The following ESRRB variants were observed in gnomAD, a reference collection of about 807,000 sequenced individuals.
ESRRB encodes steroid hormone receptor ERR2.
A neutral mutation model predicts 46.0 loss-of-function variants in ESRRB; 16 were observed. The ratio of observed to expected loss-of-function variants is 0.35; its 90% CI spans 0.24 to 0.53. The LOEUF is 0.53. Among genes scored for constraint, ESRRB ranks in the 20% least tolerant of loss-of-function variants. ESRRB has a pLI of 0.93. For synonymous variants in ESRRB, 246 were observed against 259.6 expected, an observed-to-expected ratio of 0.95 and a Z score of 0.50; for missense variants, 488 against 607.4, an observed-to-expected ratio of 0.80 and a Z score of 2.07.
intron 1 of ESRRB, among the ~76,000 whole-genome samples, chr14:76,435,628 G>A (rs535921972): frequency 1.3e-5 from 2 of 152,310 alleles, no homozygotes; most frequent in South Asian, 2.1e-4. Context: ...TCAGGAGTTC[G>A]AGACCAGCCT....
At position 76,376,873 on chromosome 14, in the gene ESRRB, T is replaced by A. The variant is rs1248985143; in HGVS notation, c.50+422T>A. The stretch of plus-strand genomic sequence containing the variant: ...AGCCTTTCCCGCGGGCGCTTTGTTT[T>A]ATTATTTCCATCCTGGGGACCAAAA... On this transcript the variant is annotated intron_variant, in intron 1 of 6. Coordinates refer to ENST00000644823, the MANE Select transcript of ESRRB (RefSeq NM_001379180.1). The surrounding 1 kb of genome is among the most constrained non-coding windows in gnomAD (Gnocchi z 4.1). Among the ~76,000 whole-genome samples, 1 of 152,206 alleles carries A rather than the reference T, an allele frequency of 6.6e-6. No homozygotes were observed. The highest frequency in any genetic ancestry group is 2.4e-5 in the African/African-American group (1 of 41,458).
At chr14:76,405,508 G>C (rs561109781) in intron 1 of ESRRB, among the ~76,000 whole-genome samples, 2 of 152,140 alleles carry the variant, frequency 1.3e-5, no homozygotes, top group Non-Finnish European at 2.9e-5. Context: ...AGTGTGGGTG[G>C]TTTATCTTGG....
At chr14:76,451,024 G>A (rs1214395957) in intron 2 of ESRRB, among the ~76,000 whole-genome samples, 2 of 152,186 alleles carry the variant, frequency 1.3e-5, no homozygotes, top group Non-Finnish European at 2.9e-5. Context: ...CTGTGACTTA[G>A]GTGACACATA....
chr14:76,379,987 C>T (rs190048381), intron 1 of ESRRB, among the ~76,000 whole-genome samples: 8 of 151,768 alleles, frequency 5.3e-5, no homozygotes, highest in South Asian at 2.1e-4. Context: ...AGGGGACTTT[C>T]GGGGAAAGCA....
At chr14:76,358,367 G>A (rs865779953) in intron 1 of ESRRB, among the ~76,000 whole-genome samples, 3 of 62,976 alleles carry the variant, frequency 4.8e-5, no homozygotes, top group African/African-American at 5.7e-5. Flanking sequence ...AAGAAAGAAA[G>A]AAAGAAAGAA....
chr14:76,406,522 G>T (rs1886190637), intron 1 of ESRRB, among the ~76,000 whole-genome samples: 1 of 152,134 alleles, frequency 6.6e-6, no homozygotes, highest in African/African-American at 2.4e-5. Flanking sequence ...GAGGCAGGTG[G>T]ATCACGAGGT....
At chr14:76,427,366 T>A (rs973957524) in intron 1 of ESRRB, among the ~76,000 whole-genome samples, 4 of 152,128 alleles carry the variant, frequency 2.6e-5, no homozygotes, top group Admixed American at 2.0e-4. Context: ...TGTGTATGTG[T>A]GTGTACGTGT....
chr14:76,436,178 C>A (rs1219747726), intron 1 of ESRRB, among the ~76,000 whole-genome samples: 2 of 152,198 alleles, frequency 1.3e-5, no homozygotes, highest in African/African-American at 2.4e-5. Flanking sequence ...GGGGAGCAAA[C>A]CGCCGCCTGC....
Position 76,417,856 on chromosome 14 carries a change from A to C in ESRRB, c.51-21485A>C, listed in dbSNP as rs1255924408. Among the ~76,000 whole-genome samples the C allele has an allele frequency of 2.0e-5, 3 of 151,666 alleles. No homozygotes were observed. In the East Asian group the frequency reaches 5.8e-4, roughly 29 times the overall value. On this transcript the variant is annotated intron_variant, in intron 1 of 6. Transcript: ENST00000644823. ...ATAAGGGAGGAGCCACTGGAGAAGC[A>C]GGTGCCTCGTGAGGACAGGTGGGCG...
At chr14:76,441,660 C>T (rs1339610804) in intron 2 of ESRRB, among the ~76,000 whole-genome samples, 3 of 152,212 alleles carry the variant, frequency 2.0e-5, no homozygotes, top group African/African-American at 7.2e-5. Context: ...GGGTAGAGCA[C>T]TTTCATTCAG....
intron 1 of ESRRB, among the ~76,000 whole-genome samples, chr14:76,401,911 A>G (rs531297640): frequency 2.4e-4 from 37 of 152,338 alleles, no homozygotes; most frequent in South Asian, 4.2e-4. Flanking sequence ...AAGTCCCAAA[A>G]TCTGCAGGGT....
intron 1 of ESRRB, among the ~76,000 whole-genome samples, chr14:76,388,649 C>T (rs1279959926): frequency 6.6e-6 from 1 of 152,106 alleles, no homozygotes; most frequent in Non-Finnish European, 1.5e-5. Context: ...CCTCTCATCC[C>T]CCAGGTCAGC....
chr14:76,474,401 A>C (rs1055314672), intron 3 of ESRRB, among the ~76,000 whole-genome samples: 6 of 152,246 alleles, frequency 3.9e-5, no homozygotes, highest in African/African-American at 1.4e-4. Flanking sequence ...GCTTTATTGA[A>C]ATATAGTTCA....
At position 76,376,306 on chromosome 14, in the gene ESRRB, GC is replaced by G; in HGVS notation, c.-93del. The G allele has an allele frequency of 3.0e-6, 3 of 994,930 alleles. No homozygotes were observed. Among genetic ancestry groups the G allele is most frequent in the Non-Finnish European group, 3.9e-6 (3 of 772,032 alleles). 61.6% of individuals were successfully genotyped at this position (994,930 alleles called of 1,614,324 possible). The stretch of plus-strand genomic sequence containing the variant: ...TGCGTTCTCGCGCTCACTGTGCCCT[GC>G]CCGGGCTCGCACCTTGCCCGTGCCC... On this transcript the variant is annotated 5_prime_UTR_variant, in exon 1 of 7. The change creates a premature stop within an existing upstream ORF in the 5' untranslated region. Transcript: ENST00000644823. The surrounding 1 kb of genome is among the most constrained non-coding windows in gnomAD (Gnocchi z 4.1).
At chr14:76,347,131 G>A (rs1172680992) in intron 1 of ESRRB, among the ~76,000 whole-genome samples, 1 of 152,182 alleles carries the variant, frequency 6.6e-6, no homozygotes, top group Non-Finnish European at 1.5e-5. Context: ...ACCCTGTAGG[G>A]AGACTGATGC....
intron 1 of ESRRB, among the ~76,000 whole-genome samples, chr14:76,409,773 G>A (rs1465986531): frequency 6.6e-6 from 1 of 152,004 alleles, no homozygotes; most frequent in Non-Finnish European, 1.5e-5. Flanking sequence ...TGGGGAGAGG[G>A]TTTTTGGGGG....
chr14:76,425,711 T>C (rs1432271436), intron 1 of ESRRB, among the ~76,000 whole-genome samples: 1 of 152,066 alleles, frequency 6.6e-6, no homozygotes, highest in Non-Finnish European at 1.5e-5. Context: ...CCCTGCTGGT[T>C]TTTTGTTTGT....
intron 2 of ESRRB, among the ~76,000 whole-genome samples, chr14:76,453,154 C>T (rs1269053183): frequency 6.6e-6 from 1 of 152,232 alleles, no homozygotes; most frequent in Non-Finnish European, 1.5e-5. Context: ...CGAGAGAAAG[C>T]TCTTTAGAAG....
intron 1 of ESRRB, among the ~76,000 whole-genome samples, chr14:76,435,235 G>A (rs1887624500): frequency 6.6e-6 from 1 of 152,218 alleles, no homozygotes; most frequent in South Asian, 2.1e-4. Flanking sequence ...AAAAGAAGCT[G>A]TGGCCCTCTG....
Sources: allele counts gnomAD v4.1 joint callset (sites outside exome capture counted in the v4.1 genomes callset), GRCh38; gene constraint gnomAD v4.1.1; non-coding constraint Gnocchi (gnomAD v3.1); transcripts MANE v1.5; gene names NCBI Gene and HGNC (gene_info 2026-07-23, HGNC 2026-07-21).